The following RBFOX2 variants were observed in gnomAD, a reference collection of about 807,000 sequenced individuals.
RBFOX2 encodes the protein RNA binding fox-1 homolog 2, also known as RNA binding protein fox-1 homolog 2.
Under a neutral mutation model 49.1 loss-of-function variants are expected in RBFOX2, and 10 were observed. The observed-to-expected ratio is 0.20, with a 90% CI of 0.13 to 0.35. The LOEUF (loss-of-function observed/expected upper bound fraction) is 0.35. Among genes scored for constraint, RBFOX2 ranks in the 10% least tolerant of loss-of-function variants. The pLI, the probability that RBFOX2 is intolerant of heterozygous loss-of-function variation, is 1.00. For missense variants in RBFOX2, 323 were observed against 486.9 expected (o/e 0.66, Z 3.17); for synonymous variants, 183 against 187.4 (o/e 0.98, Z 0.19).
chr22:35,844,526 G>A (rs994905928), upstream of RBFOX2, among the ~76,000 whole-genome samples: 4 of 151,462 alleles, frequency 2.6e-5, no homozygotes, highest in African/African-American at 9.7e-5. Context: ...GTGGAGTCTC[G>A]CTCTGTTGCC....
chr22:35,936,420 C>T (rs1316360198), intron 1 of RBFOX2, among the ~76,000 whole-genome samples: 1 of 152,050 alleles, frequency 6.6e-6, no homozygotes. Context: ...TAAATGCCTC[C>T]CAAATCTCAA....
intron 4 of RBFOX2, among the ~76,000 whole-genome samples, chr22:35,771,297 C>T (rs1047908036): frequency 3.3e-5 from 5 of 152,086 alleles, no homozygotes; most frequent in South Asian, 4.1e-4. Context: ...CAGGAGAGTC[C>T]GAATCAGAGT....
chr22:36,002,718 G>A (rs1164629999), intron 1 of RBFOX2, among the ~76,000 whole-genome samples: 1 of 152,246 alleles, frequency 6.6e-6, no homozygotes, highest in Non-Finnish European at 1.5e-5. Flanking sequence ...CTGCCTCCCA[G>A]GTTCAAGTGA....
intron 1 of RBFOX2, among the ~76,000 whole-genome samples, chr22:35,877,629 T>C (rs2149256280): frequency 6.6e-6 from 1 of 152,324 alleles, no homozygotes; most frequent in South Asian, 2.1e-4. Context: ...GATATTATGT[T>C]ATTCTCATTT....
intron 9 of RBFOX2, chr22:35,746,762 A>C (rs1932892602): frequency 5.1e-6 from 2 of 395,232 alleles, no homozygotes; most frequent in East Asian, 7.2e-5. Context: ...AAGCCCTACG[A>C]TATGCAAGGA....
chr22:36,019,173 C>T (rs962667412), intron 1 of RBFOX2, among the ~76,000 whole-genome samples: 6 of 152,290 alleles, frequency 3.9e-5, no homozygotes, highest in African/African-American at 4.8e-5. Context: ...CAACAGAGAT[C>T]CCACGGGTTC....
At chr22:35,874,181 C>T (rs971645414) in intron 1 of RBFOX2, among the ~76,000 whole-genome samples, 2 of 152,162 alleles carry the variant, frequency 1.3e-5, no homozygotes, top group African/African-American at 4.8e-5. Flanking sequence ...AGAAATAATG[C>T]TGTGAGGAAA....
chr22:35,975,092 C>T (rs973039926), intron 1 of RBFOX2, among the ~76,000 whole-genome samples: 20 of 152,032 alleles, frequency 1.3e-4, no homozygotes, highest in Admixed American at 5.9e-4. Flanking sequence ...ATTAGAAAAA[C>T]GAAATTTTAA....
intron 1 of RBFOX2, among the ~76,000 whole-genome samples, chr22:36,013,213 C>A (rs1272811169): frequency 2.6e-5 from 4 of 152,090 alleles, no homozygotes; most frequent in African/African-American, 7.2e-5. Flanking sequence ...TTCAAGGTTG[C>A]AGTGAGCTAT....
In RBFOX2 at chr22:35,987,740, CTA is replaced by C. The variant is rs1157093177; in HGVS notation, c.186+40498_186+40499del. On this transcript the variant is annotated intron_variant, in intron 1 of 13. Transcript: ENST00000438146. The stretch of plus-strand genomic sequence containing the variant: ...CCAGATGGAACTTTCTGCTCACATT[CTA>C]TGTCACAGATCAGGATCTAAGGGTT... Among the ~76,000 whole-genome samples the C allele has an allele frequency of 5.9e-5, 9 of 152,188 alleles. No homozygotes were observed. The South Asian group carries it at 1.9e-3, about 32-fold the overall frequency.
At chr22:35,927,515 A>C (rs1026280086) in intron 1 of RBFOX2, among the ~76,000 whole-genome samples, 6 of 149,668 alleles carry the variant, frequency 4.0e-5, no homozygotes, top group Non-Finnish European at 8.9e-5. Context: ...GAGGCAGGAG[A>C]ATTGCTTGAA....
At chr22:35,878,127 T>C (rs913595990) in intron 1 of RBFOX2, among the ~76,000 whole-genome samples, 1 of 151,752 alleles carries the variant, frequency 6.6e-6, no homozygotes, top group Admixed American at 6.6e-5. Flanking sequence ...CCAGGCGCAG[T>C]GGCTCACTCC....
At chr22:36,011,293 G>GT (rs1167670330) in intron 1 of RBFOX2, among the ~76,000 whole-genome samples, 1 of 152,106 alleles carries the variant, frequency 6.6e-6, no homozygotes, top group East Asian at 1.9e-4. Context: ...GCAACATCAG[G>GT]TATCTGCAGG....
chr22:35,740,224 C>CT (rs1929182631), exon 12 of RBFOX2: 2 of 152,452 alleles, frequency 1.3e-5, no homozygotes, highest in African/African-American at 4.8e-5. Context: ...GTTTCATGCT[C>CT]TAGCTCTTGG....
intron 1 of RBFOX2, among the ~76,000 whole-genome samples, chr22:35,878,041 CA>C (rs1457164665): frequency 0.036 from 2,294 of 64,022 alleles, 38 homozygotes; most frequent in African/African-American, 0.12. Context: ...ACTACTACTA[CA>C]CACACACACA....
At chr22:35,948,184 C>T (rs2054524802) in intron 1 of RBFOX2, among the ~76,000 whole-genome samples, 2 of 152,162 alleles carry the variant, frequency 1.3e-5, no homozygotes, top group African/African-American at 4.8e-5. Context: ...ACATGCTGTA[C>T]AGATGTGCAG....
intron 1 of RBFOX2, among the ~76,000 whole-genome samples, chr22:35,825,923 A>G (rs971369103): frequency 5.5e-5 from 8 of 146,004 alleles, no homozygotes; most frequent in Non-Finnish European, 1.0e-4. Flanking sequence ...TGGAGGTTGC[A>G]GTGAGCCACG....
chr22:35,759,961 A>C lies in RBFOX2; in HGVS notation c.814T>G (p.Leu272Val), dbSNP rs1938191876. 1.9e-6 allele frequency: 3 copies of C among 1,613,860 alleles called. No homozygotes were observed. In the East Asian group the frequency reaches 6.7e-5, roughly 36 times the overall value. ...TATACTGTCCGCCCTCTGCCCCTCA[A>C]ATGGGCTCCTCTGAAAGCGGCTGCC... The change falls in exon 9 of 12, where the codon TTG (leucine) becomes GTG (valine). Residue 272 changes from leucine (L) to valine (V), a missense_variant. Around this residue, in one of 2 missense-constraint regions of RBFOX2, gnomAD observed 200 missense variants for 370.0 expected, o/e 0.54. Transcript: ENST00000405409. The surrounding 1 kb of genome is among the most constrained non-coding windows in gnomAD (Gnocchi z 4.6).
At chr22:35,803,491 C>G (rs567377962) in intron 2 of RBFOX2, among the ~76,000 whole-genome samples, 1 of 152,174 alleles carries the variant, frequency 6.6e-6, no homozygotes, top group East Asian at 1.9e-4. Flanking sequence ...GCCTGGGTAA[C>G]ATAGCGAGAC....
Sources: gnomAD v4.1 joint callset for allele counts (sites outside exome capture counted in the v4.1 genomes callset) on GRCh38, gnomAD v4.1.1 for gene constraint, gnomAD v4.1.1 regional missense constraint, Gnocchi (gnomAD v3.1) non-coding constraint, MANE v1.5 for transcripts, NCBI Gene and HGNC (gene_info 2026-07-23, HGNC 2026-07-21) for gene names.